The following DOCK3 variants were observed in gnomAD, a reference collection of about 807,000 sequenced individuals.
DOCK3 encodes dedicator of cytokinesis protein 3.
A neutral mutation model predicts 265.6 loss-of-function variants in DOCK3; 60 were observed. That is an observed-to-expected ratio of 0.23 (90% CI 0.18 to 0.28). The LOEUF (loss-of-function observed/expected upper bound fraction) is 0.28. Among genes scored for constraint, DOCK3 ranks in the 10% least tolerant of loss-of-function variants. The pLI, the probability that DOCK3 is intolerant of heterozygous loss-of-function variation, is 1.00. For missense variants in DOCK3, 1,981 were observed against 2,594.3 expected (o/e 0.76, Z 5.14); for synonymous variants, 881 against 938.0 (o/e 0.94, Z 1.11).
intron 12 of DOCK3, among the ~76,000 whole-genome samples, chr3:51,171,031 C>A (rs1204065546): frequency 6.7e-6 from 1 of 149,234 alleles, no homozygotes. Flanking sequence ...TGTTGTCTTT[C>A]TCGTCTCTAT....
chr3:51,155,196 C>G (rs2085790611), intron 10 of DOCK3, among the ~76,000 whole-genome samples: 1 of 151,816 alleles, frequency 6.6e-6, no homozygotes, highest in African/African-American at 2.4e-5. Context: ...TGGTCTTGAA[C>G]TGCTGGCCTC....
chr3:51,215,952 G>A (rs1347254138), intron 14 of DOCK3, among the ~76,000 whole-genome samples: 2 of 151,130 alleles, frequency 1.3e-5, no homozygotes, highest in African/African-American at 4.9e-5. Context: ...TAGGAAAAGA[G>A]CCCAAGCATA....
intron 1 of DOCK3, among the ~76,000 whole-genome samples, chr3:50,760,774 T>C (rs2040477715): frequency 6.6e-6 from 1 of 152,072 alleles, no homozygotes; most frequent in Admixed American, 6.6e-5. Flanking sequence ...AATAGTTTAA[T>C]GTGGATTCTT....
intron 1 of DOCK3, chr3:50,719,648 G>A (rs762116394): frequency 6.4e-7 from 1 of 1,570,240 alleles, no homozygotes; most frequent in Non-Finnish European, 8.7e-7. Flanking sequence ...TGAAAAACTG[G>A]GAACCATTTG....
intron 5 of DOCK3, among the ~76,000 whole-genome samples, chr3:50,971,677 G>GTA (rs922861502): frequency 2.0e-5 from 3 of 151,568 alleles, no homozygotes; most frequent in African/African-American, 7.3e-5. Flanking sequence ...AAGCAGATGT[G>GTA]TATATGCTAG....
intron 12 of DOCK3, among the ~76,000 whole-genome samples, chr3:51,192,614 G>T (rs1341504734): frequency 6.6e-6 from 1 of 152,050 alleles, no homozygotes; most frequent in African/African-American, 2.4e-5. Flanking sequence ...CATCACAGGA[G>T]ACCTCACGGA....
intron 5 of DOCK3, among the ~76,000 whole-genome samples, chr3:50,950,387 A>G (rs1228560439): frequency 2.6e-5 from 4 of 152,154 alleles, no homozygotes; most frequent in Non-Finnish European, 4.4e-5. Flanking sequence ...ACCAGAATTA[A>G]AACATTTCTC....
chr3:51,224,938 T>G (rs2090260647), intron 14 of DOCK3, among the ~76,000 whole-genome samples: 2 of 152,200 alleles, frequency 1.3e-5, no homozygotes, highest in South Asian at 4.1e-4. Flanking sequence ...TCTCCAGTCT[T>G]GAACAACAGA....
chr3:51,311,017 T>C (rs2083040609), intron 28 of DOCK3, among the ~76,000 whole-genome samples: 1 of 152,256 alleles, frequency 6.6e-6, no homozygotes. Flanking sequence ...ACACCTTTTA[T>C]AAGCACTGTA....
intron 2 of DOCK3, among the ~76,000 whole-genome samples, chr3:50,786,206 A>G (rs2042178692): frequency 6.6e-6 from 1 of 152,010 alleles, no homozygotes; most frequent in Non-Finnish European, 1.5e-5. Flanking sequence ...TTCTTGGTTA[A>G]TCTTTCTAAT....
intron 1 of DOCK3, among the ~76,000 whole-genome samples, chr3:50,744,114 A>G (rs556469458): frequency 1.1e-4 from 17 of 152,218 alleles, no homozygotes; most frequent in African/African-American, 3.9e-4. Context: ...TCCATTTTGA[A>G]TCAGGTTAAA....
chr3:51,027,897 C>T (rs945577771), intron 5 of DOCK3, among the ~76,000 whole-genome samples: 3 of 151,392 alleles, frequency 2.0e-5, no homozygotes, highest in African/African-American at 7.3e-5. Context: ...CAATTTGCCA[C>T]TCTGTATCTT....
At chr3:50,745,289 G>A (rs193115051) in intron 1 of DOCK3, among the ~76,000 whole-genome samples, 142 of 152,060 alleles carry the variant, frequency 9.3e-4, no homozygotes, top group Non-Finnish European at 1.6e-3. Flanking sequence ...CAGGTGATCT[G>A]CCCACCTCAG....
At chr3:51,141,756 A>G (rs2085077129) in intron 9 of DOCK3, among the ~76,000 whole-genome samples, 1 of 152,274 alleles carries the variant, frequency 6.6e-6, no homozygotes, top group South Asian at 2.1e-4. Flanking sequence ...AGAATAATCC[A>G]AGTTAGTCAA....
chr3:50,908,660 G>A lies in DOCK3; in HGVS notation c.218+18579G>A, dbSNP rs147476277. ...GATTATGTGATCTATTTTAGAGTAA[G>A]TGCCATGTGGCAATCAGAAGAATGT... On this transcript the variant is annotated intron_variant, in intron 4 of 52. Transcript: ENST00000266037. Among the ~76,000 whole-genome samples the A allele has an allele frequency of 4.5e-3, 684 of 152,254 alleles. 4 individuals carry two copies. The highest frequency in any genetic ancestry group is 0.015 in the South Asian group (71 of 4,828).
chr3:50,899,438 AGTCTGT>A, intron 4 of DOCK3, among the ~76,000 whole-genome samples: 1 of 152,248 alleles, frequency 6.6e-6, no homozygotes, highest in East Asian at 1.9e-4. Context: ...CCAGTTTGCC[AGTCTGT>A]GTCTTTTAAT....
intron 5 of DOCK3, among the ~76,000 whole-genome samples, chr3:51,033,170 T>G (rs1251518557): frequency 6.6e-6 from 1 of 152,132 alleles, no homozygotes; most frequent in Non-Finnish European, 1.5e-5. Context: ...TTTCACAGAA[T>G]TGCCCTTATT....
At chr3:51,364,272 G>A (rs1468797694) in intron 49 of DOCK3, among the ~76,000 whole-genome samples, 3 of 152,192 alleles carry the variant, frequency 2.0e-5, no homozygotes, top group Admixed American at 6.5e-5. Flanking sequence ...TCTGTTGGCT[G>A]CATAAATGTC....
At chr3:50,750,615 A>G (rs563898888) in intron 1 of DOCK3, among the ~76,000 whole-genome samples, 58 of 152,238 alleles carry the variant, frequency 3.8e-4, no homozygotes, top group Non-Finnish European at 2.9e-5. Context: ...GTCGTGAGCT[A>G]CCGCGCCTGG....
Sources: gnomAD v4.1 joint callset for allele counts (sites outside exome capture counted in the v4.1 genomes callset) on GRCh38, gnomAD v4.1.1 for gene constraint, MANE v1.5 for transcripts, NCBI Gene and HGNC (gene_info 2026-07-23, HGNC 2026-07-21) for gene names.